The following R3HCC1L variants were observed in gnomAD, a reference collection of about 807,000 sequenced individuals.
R3HCC1L encodes the protein R3H domain and coiled-coil containing 1 like, also known as coiled-coil domain-containing protein R3HCC1L.
A neutral mutation model predicts 59.9 loss-of-function variants in R3HCC1L; 51 were observed. The ratio of observed to expected loss-of-function variants is 0.85; its 90% CI spans 0.68 to 1.07. The LOEUF is 1.07. Among genes scored for constraint, R3HCC1L ranks in the 50% least tolerant of loss-of-function variants. The probability of loss-of-function intolerance (pLI) is 0.00; values close to 1 mark genes in which losing one functional copy is unlikely to be tolerated. For missense variants in R3HCC1L, 965 were observed against 933.0 expected, an observed-to-expected ratio of 1.03 and a Z score of -0.45; for synonymous variants, 322 against 315.2, an observed-to-expected ratio of 1.02 and a Z score of -0.23.
Position 98,208,903 on chromosome 10 carries a change from C to T in R3HCC1L, c.789C>T (p.Gly263=). 3.7e-6 allele frequency: 6 copies of T among 1,614,130 alleles called. No homozygotes were observed. The highest frequency in any genetic ancestry group is 5.1e-6 in the Non-Finnish European group (6 of 1,180,012). Residue 263 remains glycine (G), a synonymous_variant, in exon 5 of 10, where the codon GGC becomes GGT. Transcript: ENST00000298999. ...GAATATTGAATCCCAGCAGCGGAGG[C>T]ATCACCACTACTTCTGTTCCTGGAA... ...SDGILNPSSG[G]ITTTSVPGSP...
intron 5 of R3HCC1L, among the ~76,000 whole-genome samples, chr10:98,210,505 A>G (rs1007009489): frequency 2.6e-5 from 4 of 152,220 alleles, no homozygotes; most frequent in Non-Finnish European, 4.4e-5. Flanking sequence ...TACTCAGTTC[A>G]GTCTTTTTGT....
chr10:98,207,600 A>C (rs548657854), intron 4 of R3HCC1L, among the ~76,000 whole-genome samples: 2 of 152,310 alleles, frequency 1.3e-5, no homozygotes, highest in South Asian at 4.1e-4. Flanking sequence ...ATCTTCTAGA[A>C]AGCATTCTCT....
At chr10:98,203,545 T>C (rs1367966244) in intron 4 of R3HCC1L, among the ~76,000 whole-genome samples, 1 of 152,254 alleles carries the variant, frequency 6.6e-6, no homozygotes, top group Non-Finnish European at 1.5e-5. Flanking sequence ...AGATGTCTCA[T>C]GTGAGTCTTT....
intron 5 of R3HCC1L, among the ~76,000 whole-genome samples, chr10:98,230,417 C>T (rs868045387): frequency 1.3e-4 from 20 of 152,138 alleles, no homozygotes; most frequent in South Asian, 2.1e-4. Context: ...TCTGTGGGAT[C>T]GGTGGTGATA....
chr10:98,193,996 A>G (rs1433115947), intron 4 of R3HCC1L, among the ~76,000 whole-genome samples: 1 of 152,160 alleles, frequency 6.6e-6, no homozygotes, highest in Non-Finnish European at 1.5e-5. Context: ...TAAAATTCAT[A>G]TGGAATCTCA....
At chr10:98,188,903 G>A (rs1850526591) in intron 4 of R3HCC1L, among the ~76,000 whole-genome samples, 1 of 152,126 alleles carries the variant, frequency 6.6e-6, no homozygotes, top group African/African-American at 2.4e-5. Context: ...ATCATTGGTA[G>A]AATTGGACTA....
chr10:98,149,449 A>G (rs377682708), intron 1 of R3HCC1L, among the ~76,000 whole-genome samples: 49 of 151,988 alleles, frequency 3.2e-4, no homozygotes, highest in African/African-American at 1.1e-3. Flanking sequence ...AGATTATTTG[A>G]AGTCTTTCTG....
chr10:98,149,993 C>T (rs530833093), intron 1 of R3HCC1L, among the ~76,000 whole-genome samples: 10 of 152,246 alleles, frequency 6.6e-5, no homozygotes, highest in Middle Eastern at 3.4e-3. Context: ...TACTTGGCAG[C>T]GCTGGTCTTT....
chr10:98,177,198 A>G (rs1849113079), intron 4 of R3HCC1L, among the ~76,000 whole-genome samples: 4 of 151,718 alleles, frequency 2.6e-5, no homozygotes, highest in East Asian at 3.9e-4. Context: ...ACCCCACAAC[A>G]GGCCCCAGTG....
chr10:98,171,819 G>A (rs1848540333), intron 4 of R3HCC1L, among the ~76,000 whole-genome samples: 1 of 152,140 alleles, frequency 6.6e-6, no homozygotes, highest in African/African-American at 2.4e-5. Context: ...CTGTCTGAGA[G>A]CTCAGGATGA....
At chr10:98,144,118 G>A (rs1845433012) in intron 1 of R3HCC1L, among the ~76,000 whole-genome samples, 1 of 152,110 alleles carries the variant, frequency 6.6e-6, no homozygotes, top group African/African-American at 2.4e-5. Context: ...AGCAGCCAGG[G>A]TGATTTAGTG....
chr10:98,184,859 T>A (rs1367115294), intron 4 of R3HCC1L, among the ~76,000 whole-genome samples: 2 of 152,218 alleles, frequency 1.3e-5, no homozygotes, highest in African/African-American at 4.8e-5. Context: ...CAAAATTTTT[T>A]AACCAAGTTC....
At chr10:98,223,312 G>A (rs905055732) in intron 5 of R3HCC1L, among the ~76,000 whole-genome samples, 6 of 152,226 alleles carry the variant, frequency 3.9e-5, no homozygotes, top group African/African-American at 1.4e-4. Context: ...CAAAACGAAT[G>A]CAGCAGCACA....
chr10:98,225,803 A>G (rs983870812), intron 5 of R3HCC1L, among the ~76,000 whole-genome samples: 3 of 152,186 alleles, frequency 2.0e-5, no homozygotes, highest in Non-Finnish European at 4.4e-5. Flanking sequence ...AGCATAATCA[A>G]ATTTTCTTGC....
chr10:98,188,308 T>C (rs1480119651), intron 4 of R3HCC1L, among the ~76,000 whole-genome samples: 1 of 152,230 alleles, frequency 6.6e-6, no homozygotes, highest in Non-Finnish European at 1.5e-5. Context: ...TACAGTTTGG[T>C]ATGGCAGTAG....
At chr10:98,232,980 T>C (rs1856552372) in intron 6 of R3HCC1L, among the ~76,000 whole-genome samples, 2 of 152,334 alleles carry the variant, frequency 1.3e-5, no homozygotes, top group South Asian at 4.1e-4. Flanking sequence ...GAATGGATCC[T>C]GGATGACAGT....
rs143117298 is a variant in R3HCC1L at position 98,232,751 on chromosome 10, G to A, written c.1961+1064G>A. Among the ~76,000 whole-genome samples the A allele has an allele frequency of 1.7e-3, 256 of 152,312 alleles. 1 individual carries two copies. The highest frequency in any genetic ancestry group is 5.9e-3 in the African/African-American group (246 of 41,574). ...CCCTTAACTTTTTCTTAAAGGATAAGTAAATATTTTAGACAACTCTGCCAT... is the reference window on the plus strand; with the variant it reads ...CCCTTAACTTTTTCTTAAAGGATAAATAAATATTTTAGACAACTCTGCCAT... On this transcript the variant is annotated intron_variant, in intron 6 of 9. Transcript: ENST00000298999.
chr10:98,236,520 C>T (rs1230967972), intron 9 of R3HCC1L, among the ~76,000 whole-genome samples: 2 of 152,142 alleles, frequency 1.3e-5, no homozygotes, highest in Non-Finnish European at 1.5e-5. Context: ...TACTGGGCCA[C>T]GATTGCCATG....
chr10:98,226,484 G>A (rs1315853449), intron 5 of R3HCC1L, among the ~76,000 whole-genome samples: 1 of 152,192 alleles, frequency 6.6e-6, no homozygotes, highest in African/African-American at 2.4e-5. Context: ...TATTTCCTAA[G>A]TTGATTTACA....
Sources: allele counts gnomAD v4.1 joint callset (sites outside exome capture counted in the v4.1 genomes callset), GRCh38; gene constraint gnomAD v4.1.1; transcripts MANE v1.5; gene names NCBI Gene and HGNC (gene_info 2026-07-23, HGNC 2026-07-21).